Variants in GABRB2 observed in about 807,000 individuals in gnomAD.
GABRB2 encodes the protein gamma-aminobutyric acid receptor subunit beta-2.
In GABRB2, 16 loss-of-function variants were observed where a neutral mutation model predicts 54.7. The ratio of observed to expected loss-of-function variants is 0.29; its 90% CI spans 0.20 to 0.44. The LOEUF (loss-of-function observed/expected upper bound fraction) is 0.44. GABRB2 is among the 20% of genes least tolerant of loss of function. GABRB2 has a pLI of 1.00. For synonymous variants in GABRB2, 244 were observed against 233.8 expected (o/e 1.04, Z -0.40); for missense variants, 355 against 644.0 (o/e 0.55, Z 4.86).
intron 3 of GABRB2, among the ~76,000 whole-genome samples, chr5:161,495,227 C>T (rs1759197833): frequency 6.6e-6 from 1 of 151,786 alleles, no homozygotes; most frequent in African/African-American, 2.4e-5. Flanking sequence ...AGAAACTTTC[C>T]TTGAATAAGT....
chr5:161,388,394 T>C (rs745418693), intron 5 of GABRB2, among the ~76,000 whole-genome samples: 7 of 152,098 alleles, frequency 4.6e-5, no homozygotes, highest in African/African-American at 1.4e-4. Flanking sequence ...TTATTACTTA[T>C]AGCCTATCGA....
chr5:161,454,555 C>G (rs919719593), intron 4 of GABRB2, among the ~76,000 whole-genome samples: 2 of 152,116 alleles, frequency 1.3e-5, no homozygotes, highest in African/African-American at 4.8e-5. Flanking sequence ...CTATAATTTC[C>G]CATCCATGCT....
chr5:161,442,182 T>G (rs2113211584), intron 4 of GABRB2, among the ~76,000 whole-genome samples: 1 of 152,282 alleles, frequency 6.6e-6, no homozygotes, highest in East Asian at 1.9e-4. Context: ...TCACATTTCA[T>G]GCCTCTATCA....
intron 3 of GABRB2, among the ~76,000 whole-genome samples, chr5:161,467,297 T>A (rs1019801113): frequency 6.6e-6 from 1 of 152,102 alleles, no homozygotes. Flanking sequence ...TTCATCTTAA[T>A]TACCGCTTGT....
At chr5:161,311,025 G>A (rs1757852022) in intron 9 of GABRB2, among the ~76,000 whole-genome samples, 1 of 152,150 alleles carries the variant, frequency 6.6e-6, no homozygotes, top group Non-Finnish European at 1.5e-5. Flanking sequence ...CTCCCAAAGT[G>A]CTGGGATTAC....
intron 3 of GABRB2, among the ~76,000 whole-genome samples, chr5:161,535,965 C>T (rs1234694259): frequency 6.6e-6 from 1 of 152,134 alleles, no homozygotes; most frequent in Admixed American, 6.5e-5. Context: ...CTACTGGCTT[C>T]CTCTTGTACC....
intron 3 of GABRB2, among the ~76,000 whole-genome samples, chr5:161,493,075 C>T (rs1759128610): frequency 6.6e-6 from 1 of 151,550 alleles, no homozygotes; most frequent in Admixed American, 6.6e-5. Flanking sequence ...GTAAGCTGCA[C>T]CAAGTGATAT....
intron 5 of GABRB2, among the ~76,000 whole-genome samples, chr5:161,397,317 G>C (rs1307334111): frequency 1.3e-5 from 2 of 152,130 alleles, no homozygotes; most frequent in African/African-American, 4.8e-5. Context: ...CTCAAGGCCG[G>C]CTCATCTGTA....
chr5:161,317,647 A>G (rs1442345720), intron 9 of GABRB2, among the ~76,000 whole-genome samples: 2 of 152,172 alleles, frequency 1.3e-5, no homozygotes, highest in Non-Finnish European at 2.9e-5. Context: ...GTATAATAGA[A>G]TAAGTACATG....
At chr5:161,452,555 C>T (rs569911432) in intron 4 of GABRB2, among the ~76,000 whole-genome samples, 26 of 152,282 alleles carry the variant, frequency 1.7e-4, no homozygotes, top group South Asian at 4.1e-4. Context: ...TACCTGCTTG[C>T]GCTTCAGCTG....
intron 9 of GABRB2, among the ~76,000 whole-genome samples, chr5:161,306,765 T>C (rs76584480): frequency 0.028 from 4,179 of 151,726 alleles, 224 homozygotes; most frequent in African/African-American, 0.095. Flanking sequence ...CGTTTAATGC[T>C]CAACTAGCAT....
At chr5:161,321,589 T>A (rs1758211803) in intron 9 of GABRB2, among the ~76,000 whole-genome samples, 1 of 152,166 alleles carries the variant, frequency 6.6e-6, no homozygotes, top group Non-Finnish European at 1.5e-5. Flanking sequence ...TATTCCTTAA[T>A]ACCTTGCAAA....
intron 3 of GABRB2, among the ~76,000 whole-genome samples, chr5:161,508,393 A>G (rs1322273150): frequency 1.3e-5 from 2 of 150,454 alleles, no homozygotes; most frequent in Admixed American, 6.7e-5. Flanking sequence ...ATGAATAGCA[A>G]TGTTGTCCCA....
At chr5:161,417,354 T>C (rs925776599) in intron 4 of GABRB2, among the ~76,000 whole-genome samples, 1 of 152,244 alleles carries the variant, frequency 6.6e-6, no homozygotes, top group Non-Finnish European at 1.5e-5. Flanking sequence ...TTAAGTCATA[T>C]TGTTATTCCC....
intron 4 of GABRB2, among the ~76,000 whole-genome samples, chr5:161,442,368 A>C (rs937871213): frequency 1.3e-5 from 2 of 152,186 alleles, no homozygotes; most frequent in Non-Finnish European, 2.9e-5. Flanking sequence ...CTTTTTGTCA[A>C]CTTGGGGGAA....
At chr5:161,465,759 A>AG (rs1758260567) in intron 3 of GABRB2, among the ~76,000 whole-genome samples, 1 of 152,120 alleles carries the variant, frequency 6.6e-6, no homozygotes, top group African/African-American at 2.4e-5. Context: ...ACACATACAT[A>AG]TACATCATAT....
At position 161,334,849 on chromosome 5, in the gene GABRB2, A is replaced by G; in HGVS notation, c.735T>C (p.Phe245=). The G allele has an allele frequency of 6.2e-7, 1 of 1,614,070 alleles. No homozygotes were observed. Among genetic ancestry groups the G allele is most frequent in the South Asian group, 1.1e-5 (1 of 91,074 alleles). The change falls in exon 7 of 10, where the codon TTT becomes TTC. Residue 245 remains phenylalanine (F), a synonymous_variant. Coordinates refer to ENST00000393959, the MANE Select transcript of GABRB2 (RefSeq NM_001371727.1). ...SFKLKRNIGY[F]ILQTYMPSIL... ...TGGAAGGCATGTATGTTTGCAGGAT[A>G]AAGTAGCCAATGTTTCTCTTAAGCT...
At chr5:161,382,479 G>C (rs147975525) in intron 5 of GABRB2, among the ~76,000 whole-genome samples, 1 of 151,924 alleles carries the variant, frequency 6.6e-6, no homozygotes, top group Admixed American at 6.6e-5. Context: ...TCACATAAGC[G>C]AATGATACCA....
At chr5:161,509,219 T>C (rs1460224869) in intron 3 of GABRB2, among the ~76,000 whole-genome samples, 1 of 152,024 alleles carries the variant, frequency 6.6e-6, no homozygotes, top group African/African-American at 2.4e-5. Flanking sequence ...ATATATTAAA[T>C]ATGATTAGCT....
Sources: gnomAD v4.1 joint callset for allele counts (sites outside exome capture counted in the v4.1 genomes callset) on GRCh38, gnomAD v4.1.1 for gene constraint, MANE v1.5 for transcripts, NCBI Gene and HGNC (gene_info 2026-07-23, HGNC 2026-07-21) for gene names.